The following DHDH variants were observed in gnomAD, a reference collection of about 807,000 sequenced individuals.
DHDH encodes dihydrodiol dehydrogenase.
DHDH carries 29 observed loss-of-function variants against 33.2 expected under a neutral mutation model. The observed-to-expected ratio is 0.87, with a 90% CI of 0.65 to 1.19. The LOEUF (loss-of-function observed/expected upper bound fraction) is 1.19, where lower values mean the gene tolerates loss of function less well. Among genes scored for constraint, DHDH ranks in the 50% most tolerant of loss-of-function variants. The probability of loss-of-function intolerance (pLI) is 0.00; values close to 1 mark genes in which losing one functional copy is unlikely to be tolerated. For synonymous variants in DHDH, 201 were observed against 187.9 expected, an observed-to-expected ratio of 1.07 and a Z score of -0.57; for missense variants, 431 against 455.0, an observed-to-expected ratio of 0.95 and a Z score of 0.48.
upstream of DHDH, chr19:48,933,607 G>A: frequency 2.2e-6 from 2 of 926,418 alleles, no homozygotes; most frequent in East Asian, 2.4e-5. Flanking sequence ...AACGAGAATC[G>A]GCGTAGGCGC....
rs60467743 is a variant in DHDH, at chr19:48,941,985, CGTGTGTGTGTGTGT to C, written c.620-425_620-412del. ...ACTGTGCACAGCCAAGACTGTACTT[CGTGTGTGTGTGTGT>C]GTGTGTGTGTGTGTGTGTGTGTGTG... On this transcript the variant is annotated intron_variant, in intron 4 of 6. Coordinates refer to ENST00000221403, the MANE Select transcript of DHDH (RefSeq NM_014475.4). 8.8e-4 allele frequency among the ~76,000 whole-genome samples: 116 copies of C among 132,232 alleles called. 1 individual carries two copies. Among genetic ancestry groups the C allele is most frequent in the African/African-American group, 2.7e-3 (93 of 33,876 alleles). The allele number at this position is 132,232 out of a possible 152,430, so 86.7% of individuals were successfully genotyped here.
At chr19:48,935,154 A>C (rs1214520063) in intron 2 of DHDH, 43 bp downstream of exon 2, 5 of 1,472,454 alleles carry the variant, frequency 3.4e-6, no homozygotes, top group Non-Finnish European at 4.5e-6. Context: ...CCGCCCCTGG[A>C]GCGGTGCCCC....
chr19:48,940,678 A>T (rs1381289091), intron 4 of DHDH, among the ~76,000 whole-genome samples: 2 of 152,014 alleles, frequency 1.3e-5, no homozygotes, highest in Admixed American at 1.3e-4. Flanking sequence ...ACATGGTAAA[A>T]CCCTGTCTCT....
rs376734098 is a variant in DHDH, at chr19:48,937,640, G to A, written c.366+1445G>A. Among the ~76,000 whole-genome samples, 30 of 151,792 alleles carry A rather than the reference G, an allele frequency of 2.0e-4. 2 individuals carry two copies. The South Asian group carries it at 6.3e-3, about 32-fold the overall frequency. On this transcript the variant is annotated intron_variant, in intron 3 of 6. Transcript: ENST00000221403. Reference sequence around the variant, plus strand: ...ATCCTGTCTAACACAGTGAAACCCCGCCTCTACTAAAAATACAAAAAATTA... The same window carrying A: ...ATCCTGTCTAACACAGTGAAACCCCACCTCTACTAAAAATACAAAAAATTA...
upstream of DHDH, among the ~76,000 whole-genome samples, chr19:48,933,241 A>C (rs934881054): frequency 2.0e-5 from 3 of 152,172 alleles, no homozygotes; most frequent in Non-Finnish European, 4.4e-5. Context: ...GCTGGTCTAC[A>C]GGTGCTCTAT....
At chr19:48,939,890 A>C (rs1200783223) in intron 4 of DHDH, among the ~76,000 whole-genome samples, 189 bp downstream of exon 4, 1 of 152,174 alleles carries the variant, frequency 6.6e-6, no homozygotes, top group Non-Finnish European at 1.5e-5. Flanking sequence ...TTGCTGTGTG[A>C]TCTTAGCCAG....
intron 2 of DHDH, 60 bp downstream of exon 2, chr19:48,935,171 G>GC: frequency 7.3e-7 from 1 of 1,375,192 alleles, no homozygotes; most frequent in Non-Finnish European, 9.8e-7. Flanking sequence ...CCCCCTGGCT[G>GC]CCCCCTGGGA....
chr19:48,944,371 C>G lies in DHDH; in HGVS notation c.759C>G (p.Cys253Trp). The G allele has an allele frequency of 6.2e-7, 1 of 1,614,102 alleles. No individual in the cohort carries two copies. The highest frequency in any genetic ancestry group is 8.5e-7 in the Non-Finnish European group (1 of 1,180,000). The part of the protein sequence containing the change: ...TKGMVQLLNP[C>W]WCPTELVVKG... ...TCTCCCTCCAGCTCCTCAACCCCTGCTGGTGCCCGACCGAGCTGGTGGTGA... is the reference window on the plus strand; with the variant it reads ...TCTCCCTCCAGCTCCTCAACCCCTGGTGGTGCCCGACCGAGCTGGTGGTGA... The change falls in exon 6 of 7, where the codon TGC becomes TGG. Residue 253 changes from cysteine to tryptophan, a missense_variant. Physicochemically the swap from Cys to Trp is radical, Grantham distance 215 (BLOSUM62 -2). Transcript: ENST00000221403.
chr19:48,936,628 G>A (rs1395652506), intron 3 of DHDH, among the ~76,000 whole-genome samples: 2 of 150,306 alleles, frequency 1.3e-5, no homozygotes, highest in Non-Finnish European at 3.0e-5. Context: ...CCCGGGAGGC[G>A]GAGCTTGCAG....
chr19:48,943,957 T>C (rs1040103803), intron 5 of DHDH, among the ~76,000 whole-genome samples: 8 of 150,862 alleles, frequency 5.3e-5, no homozygotes, highest in African/African-American at 1.9e-4. Flanking sequence ...ATTGATCCAC[T>C]GCACTCCAGC....
intron 4 of DHDH, among the ~76,000 whole-genome samples, chr19:48,941,772 C>T (rs996233990): frequency 2.6e-5 from 4 of 151,166 alleles, no homozygotes; most frequent in African/African-American, 9.7e-5. Flanking sequence ...CTCCCAGGCT[C>T]CAGGGATCCT....
chr19:48,936,169 C>A lies in DHDH; in HGVS notation c.340C>A (p.Arg114=). The A allele has an allele frequency of 6.2e-7, 1 of 1,601,026 alleles. No homozygotes were observed. The highest frequency in any genetic ancestry group is 1.7e-5 in the Admixed American group (1 of 59,514). The change falls in exon 3 of 7, where the codon CGA becomes AGA. Residue 114 remains arginine, a synonymous_variant. Coordinates refer to ENST00000221403, the MANE Select transcript of DHDH (RefSeq NM_014475.4). ...AGTTCGCGAGATGGTCGCGGAGGCC[C>A]GATCCCGAGCCCTCTTCCTTATGGA... ...AEVREMVAEA[R]SRALFLMEAI... is the part of the protein sequence containing the mutation.
chr19:48,933,570 T>A (rs527583314), upstream of DHDH: 1 of 684,172 alleles, frequency 1.5e-6, no homozygotes, highest in East Asian at 2.7e-5. Context: ...AAGCTAGAAC[T>A]AAATGACCGC....
At chr19:48,938,863 G>A (rs2037817732) in intron 3 of DHDH, among the ~76,000 whole-genome samples, 2 of 152,056 alleles carry the variant, frequency 1.3e-5, no homozygotes. Flanking sequence ...TGGCCAGGCT[G>A]GTCTCTTGGC....
At chr19:48,939,036 G>T (rs1415129530) in intron 3 of DHDH, among the ~76,000 whole-genome samples, 1 of 152,162 alleles carries the variant, frequency 6.6e-6, no homozygotes, top group Non-Finnish European at 1.5e-5. Flanking sequence ...AGGTACTAGG[G>T]AGTTAAGGCT....
upstream of DHDH, chr19:48,933,680 G>A: frequency 6.2e-7 from 1 of 1,602,512 alleles, no homozygotes; most frequent in Non-Finnish European, 8.5e-7. Flanking sequence ...CTTAATTCGC[G>A]CCTGGAGGGA....
At chr19:48,932,808 C>T (rs2037722893), upstream of DHDH, among the ~76,000 whole-genome samples, 1 of 152,018 alleles carries the variant, frequency 6.6e-6, no homozygotes, top group Admixed American at 6.6e-5. Flanking sequence ...GACCCTATAT[C>T]AATAATAATT....
At chr19:48,937,759 C>A (rs550624764) in intron 3 of DHDH, among the ~76,000 whole-genome samples, 4 of 149,736 alleles carry the variant, frequency 2.7e-5, no homozygotes, top group Admixed American at 1.4e-4. Context: ...TTGCAGTGAG[C>A]TAAGATCCCG....
intron 3 of DHDH, among the ~76,000 whole-genome samples, chr19:48,937,354 T>C (rs2122254795): frequency 6.6e-6 from 1 of 152,226 alleles, no homozygotes; most frequent in Admixed American, 6.5e-5. Flanking sequence ...CCGTGAGCCC[T>C]GACACTCTTG....
Sources: allele counts gnomAD v4.1 joint callset (sites outside exome capture counted in the v4.1 genomes callset), GRCh38; gene constraint gnomAD v4.1.1; transcripts MANE v1.5; gene names NCBI Gene and HGNC (gene_info 2026-07-23, HGNC 2026-07-21).